DMXL2: variants seen among roughly 807,000 people sequenced by gnomAD.
The protein encoded by DMXL2 is Dmx like 2, also known as dmX-like protein 2.
A neutral mutation model predicts 331.1 loss-of-function variants in DMXL2; 103 were observed. The observed-to-expected ratio is 0.31, with a 90% CI of 0.27 to 0.37. DMXL2 has a LOEUF of 0.37. DMXL2 is among the 10% of genes least tolerant of loss of function. DMXL2 has a pLI of 1.00. For synonymous variants in DMXL2, 1,281 were observed against 1,252.1 expected (o/e 1.02, Z -0.49); for missense variants, 3,171 against 3,642.9 (o/e 0.87, Z 3.33).
chr15:51,480,026 T>C lies in DMXL2; in HGVS notation c.6678A>G (p.Leu2226=), dbSNP rs1272834789. 6.3e-7 allele frequency: 1 copy of C among 1,596,810 alleles called. No homozygotes were observed. Among genetic ancestry groups the C allele is most frequent in the African/African-American group, 1.3e-5 (1 of 74,726 alleles). ...AAAGTATATCATGGATGTGATTATT[T>C]AAGTACAATACAGGATTAGCTATGA... ...KTVIANPVLY[L]NNHIHDILYT... Residue 2226 remains leucine (L), a synonymous_variant, in exon 25 of 44, where the codon TTA becomes TTG. Coordinates refer to ENST00000560891, the MANE Select transcript of DMXL2 (RefSeq NM_001378457.1).
At chr15:51,502,741 C>T in intron 17 of DMXL2, 65 bp downstream of exon 17, 1 of 1,021,472 alleles carries the variant, frequency 9.8e-7, no homozygotes, top group East Asian at 2.4e-5. Flanking sequence ...TCTATTTTAT[C>T]CACTAAAGAG....
intron 21 of DMXL2, among the ~76,000 whole-genome samples, 195 bp from the exon 22 acceptor site, chr15:51,488,314 T>C (rs529174387): frequency 3.9e-5 from 6 of 152,248 alleles, no homozygotes; most frequent in Non-Finnish European, 8.8e-5. Flanking sequence ...TATACATAAA[T>C]AGGAAACAGC....
At chr15:51,594,087 G>A (rs2052602718) in intron 1 of DMXL2, among the ~76,000 whole-genome samples, 1 of 151,926 alleles carries the variant, frequency 6.6e-6, no homozygotes, top group Non-Finnish European at 1.5e-5. Context: ...GAAGGAAATA[G>A]AGACACAAAA....
At chr15:51,563,825 A>C (rs1459475737) in intron 5 of DMXL2, among the ~76,000 whole-genome samples, 1 of 152,016 alleles carries the variant, frequency 6.6e-6, no homozygotes, top group African/African-American at 2.4e-5. Context: ...GGCAACTTTC[A>C]CATCTTCCCC....
At chr15:51,621,615 C>A (rs2054631032) in intron 1 of DMXL2, among the ~76,000 whole-genome samples, 1 of 152,204 alleles carries the variant, frequency 6.6e-6, no homozygotes, top group Non-Finnish European at 1.5e-5. Flanking sequence ...TCAAAAAGGA[C>A]TGATGAGTCC....
rs558936202 is a variant in DMXL2, at chr15:51,569,641, C to G, written c.214-1083G>C. Among the ~76,000 whole-genome samples, 21 of 152,312 alleles carry G rather than the reference C, an allele frequency of 1.4e-4. No individual in the cohort carries two copies. The East Asian group carries it at 4.1e-3, about 29-fold the overall frequency. Reference sequence around the variant, plus strand: ...AGCTCCCAGAGGTAGGAACAGGCAGCAATCTTTGTTGTTCCGCAGCCTCCG... The same window carrying G: ...AGCTCCCAGAGGTAGGAACAGGCAGGAATCTTTGTTGTTCCGCAGCCTCCG... On this transcript the variant is annotated intron_variant, in intron 2 of 43. Coordinates refer to ENST00000560891, the MANE Select transcript of DMXL2 (RefSeq NM_001378457.1).
At chr15:51,535,968 T>A (rs561750714) in intron 12 of DMXL2, among the ~76,000 whole-genome samples, 184 bp from the exon 13 acceptor site, 2 of 152,298 alleles carry the variant, frequency 1.3e-5, no homozygotes, top group East Asian at 3.9e-4. Context: ...AAATGGATTA[T>A]GAGAGAAAAG....
intron 16 of DMXL2, among the ~76,000 whole-genome samples, chr15:51,503,678 C>CAATGT (rs1050834873): frequency 6.6e-6 from 1 of 152,024 alleles, no homozygotes; most frequent in Non-Finnish European, 1.5e-5. Context: ...CAGTTAACAA[C>CAATGT]AATGTATATT....
chr15:51,521,414 C>CTAGTAGTAGTAGTAGTAGTAGTAG, intron 13 of DMXL2, among the ~76,000 whole-genome samples: 1 of 142,006 alleles, frequency 7.0e-6, no homozygotes, highest in South Asian at 2.3e-4. Context: ...TAAAAGTTTG[C>CTAGTAGTAGTAGTAGTAGTAGTAG]TAGTAGTAGT....
chr15:51,546,945 C>T (rs75756393), intron 7 of DMXL2, among the ~76,000 whole-genome samples: 5 of 152,170 alleles, frequency 3.3e-5, no homozygotes, highest in East Asian at 3.9e-4. Context: ...TGTGCAAAGG[C>T]CTGTACTAAG....
At chr15:51,462,213 G>A (rs1044066194) in intron 33 of DMXL2, among the ~76,000 whole-genome samples, 2 of 152,190 alleles carry the variant, frequency 1.3e-5, no homozygotes, top group Non-Finnish European at 2.9e-5. Flanking sequence ...CTGGGCATGA[G>A]GAAAAACTGA....
intron 27 of DMXL2, among the ~76,000 whole-genome samples, chr15:51,476,112 A>G (rs2041560205): frequency 6.6e-6 from 1 of 152,220 alleles, no homozygotes; most frequent in African/African-American, 2.4e-5. Flanking sequence ...GAAGTTTTGA[A>G]ACAACTGATG....
chr15:51,538,028 A>T (rs954852864), intron 10 of DMXL2, among the ~76,000 whole-genome samples, 185 bp downstream of exon 10: 7 of 152,192 alleles, frequency 4.6e-5, no homozygotes, highest in Admixed American at 1.3e-4. Context: ...GAACATATAG[A>T]GTTAGATGAT....
intron 15 of DMXL2, among the ~76,000 whole-genome samples, chr15:51,510,526 G>A (rs1276286825): frequency 6.6e-6 from 1 of 152,082 alleles, no homozygotes; most frequent in Admixed American, 6.5e-5. Flanking sequence ...GCAAACCACT[G>A]CTCAAGGAAA....
chr15:51,550,260 T>G (rs1010618112), intron 6 of DMXL2, among the ~76,000 whole-genome samples: 1 of 152,158 alleles, frequency 6.6e-6, no homozygotes, highest in East Asian at 1.9e-4. Flanking sequence ...AAAATCAGCA[T>G]AGAAGGGACA....
intron 4 of DMXL2, 70 bp from the exon 5 acceptor site, chr15:51,564,330 GT>G: frequency 1.7e-6 from 2 of 1,184,552 alleles, no homozygotes; most frequent in Non-Finnish European, 2.3e-6. Flanking sequence ...ATGGGCTTCT[GT>G]TTAGATCTGT....
chr15:51,577,679 T>C (rs1567142123), intron 1 of DMXL2, among the ~76,000 whole-genome samples: 1 of 152,188 alleles, frequency 6.6e-6, no homozygotes, highest in Non-Finnish European at 1.5e-5. Context: ...ATCATCTTAC[T>C]CTTGAGGAAC....
chr15:51,448,722 C>A lies in DMXL2; in HGVS notation c.*262G>T. 1 of 433,338 alleles carries A rather than the reference C, an allele frequency of 2.3e-6. No homozygotes were observed. The highest frequency in any genetic ancestry group is 4.2e-6 in the Non-Finnish European group (1 of 240,704). 26.8% of individuals were successfully genotyped at this position (433,338 alleles called of 1,614,324 possible). On this transcript the variant is annotated 3_prime_UTR_variant, in exon 44 of 44. Coordinates refer to ENST00000560891, the MANE Select transcript of DMXL2 (RefSeq NM_001378457.1). ...CTAATTTGCTAATCTCAAATGTTTT[C>A]TGAATCAGGTTTGCTAAATGCTGTA...
In DMXL2 at chr15:51,529,267, A is replaced by G. The variant is rs377535204; in HGVS notation, c.2436+6396T>C. Among the ~76,000 whole-genome samples, 21 of 152,276 alleles carry G rather than the reference A, an allele frequency of 1.4e-4. No homozygotes were observed. The East Asian group carries it at 2.3e-3, about 17-fold the overall frequency. On this transcript the variant is annotated intron_variant, in intron 13 of 43. Transcript: ENST00000560891. The stretch of plus-strand genomic sequence containing the variant: ...GAAAAGAAATAATAAAGATCAGAGC[A>G]TAAATTAAATTGAAACAAAGAAAAT...
Sources: gnomAD v4.1 joint callset for allele counts (sites outside exome capture counted in the v4.1 genomes callset) on GRCh38, gnomAD v4.1.1 for gene constraint, MANE v1.5 for transcripts, NCBI Gene and HGNC (gene_info 2026-07-23, HGNC 2026-07-21) for gene names.